NFASC: variants seen among roughly 807,000 people sequenced by gnomAD.
NFASC encodes the protein neurofascin, also known as neurofascin homolog.
A neutral mutation model predicts 147.5 loss-of-function variants in NFASC; 43 were observed. The observed-to-expected ratio is 0.29, with a 90% CI of 0.23 to 0.38. The LOEUF (loss-of-function observed/expected upper bound fraction) is 0.38, where lower values mean the gene tolerates loss of function less well. NFASC is among the 10% of genes least tolerant of loss of function. The pLI is 1.00. For synonymous variants in NFASC, 622 were observed against 665.5 expected (o/e 0.93, Z 1.01); for missense variants, 1,320 against 1,689.0 (o/e 0.78, Z 3.83).
chr1:205,008,428 AGG>A (rs2096180586), intron 27 of NFASC: 1 of 152,646 alleles, frequency 6.6e-6, no homozygotes, highest in African/African-American at 2.4e-5. Flanking sequence ...GCCTCTCCCC[AGG>A]TGTCTCTGGG....
At chr1:204,911,367 T>A (rs1179678090) in intron 1 of NFASC, among the ~76,000 whole-genome samples, 1 of 152,220 alleles carries the variant, frequency 6.6e-6, no homozygotes, top group African/African-American at 2.4e-5. Flanking sequence ...GGACTTTTTT[T>A]AAATGAATGT....
chr1:204,962,658 G>A (rs1463364624), intron 8 of NFASC, among the ~76,000 whole-genome samples: 1 of 152,170 alleles, frequency 6.6e-6, no homozygotes, highest in Non-Finnish European at 1.5e-5. Flanking sequence ...ATTTCACAGT[G>A]AGGTCCCGTG....
rs6690894 is a variant in NFASC, at chr1:204,970,635, C to T, written c.1023C>T (p.Asp341=). Residue 341 remains aspartate, a synonymous_variant, in exon 11 of 30, where the codon GAC becomes GAT. Coordinates refer to ENST00000339876, the MANE Select transcript of NFASC (RefSeq NM_001005388.3). ...TTCCAGCTGCTCCCTACTGGCTGGA[C>T]GAACCCAAGAACCTTATTCTGGCTC... is the stretch of plus-strand genomic sequence containing the variant. ...VRVKAAPYWL[D]EPKNLILAPG... is the part of the protein sequence containing the mutation. 5,651 of 1,614,024 alleles carry T rather than the reference C, an allele frequency of 3.5e-3. 164 individuals are homozygous for T. The African/African-American group carries it at 0.066, about 19-fold the overall frequency.
At chr1:204,912,150 T>C (rs1241863224) in intron 1 of NFASC, among the ~76,000 whole-genome samples, 1 of 152,014 alleles carries the variant, frequency 6.6e-6, no homozygotes, top group Admixed American at 6.5e-5. Flanking sequence ...CTTTATTATT[T>C]CCTTCCTTCT....
intron 1 of NFASC, among the ~76,000 whole-genome samples, chr1:204,853,327 C>CT (rs1386136189): frequency 6.6e-6 from 1 of 152,194 alleles, no homozygotes; most frequent in Non-Finnish European, 1.5e-5. Flanking sequence ...CTTTTAGTTC[C>CT]CCATAATCAC....
chr1:204,829,262 C>G (rs1368643406), intron 1 of NFASC, among the ~76,000 whole-genome samples: 2 of 150,706 alleles, frequency 1.3e-5, no homozygotes, highest in African/African-American at 4.9e-5. Context: ...TCTCCATTTG[C>G]TCCCTCAGTT....
chr1:204,980,517 G>C lies in NFASC; in HGVS notation c.2247+77G>C, dbSNP rs16854859. ...GGGAGCCCCTCTCCCTTGATGCCCC[G>C]ACACTACGAGGCCATGATGTGGTTC... On this transcript the variant is annotated intron_variant, in intron 20 of 29. Coordinates refer to ENST00000339876, the MANE Select transcript of NFASC (RefSeq NM_001005388.3). The C allele has an allele frequency of 3.8e-6, 4 of 1,066,274 alleles. No individual in the cohort carries two copies. In the African/African-American group the frequency reaches 6.3e-5, roughly 17 times the overall value. 66.1% of individuals were successfully genotyped at this position (1,066,274 alleles called of 1,614,324 possible). A position where few individuals can be genotyped will look rare whatever the true frequency, so the allele number is the denominator to read the frequency against.
intron 28 of NFASC, among the ~76,000 whole-genome samples, chr1:205,011,310 G>A (rs2096250611): frequency 6.6e-6 from 1 of 151,874 alleles, no homozygotes; most frequent in Non-Finnish European, 1.5e-5. Context: ...CTGAAGAGCT[G>A]TGCCTTAAGT....
intron 1 of NFASC, among the ~76,000 whole-genome samples, chr1:204,863,979 G>A (rs578006739): frequency 6.6e-6 from 1 of 151,744 alleles, no homozygotes; most frequent in Admixed American, 6.6e-5. Context: ...AGAAAAGAAA[G>A]AAAGAAAAAG....
chr1:204,870,190 G>T (rs940908808), intron 1 of NFASC, among the ~76,000 whole-genome samples: 2 of 152,168 alleles, frequency 1.3e-5, no homozygotes, highest in African/African-American at 4.8e-5. Flanking sequence ...GAGATATTTA[G>T]CCTGCAGAAG....
At chr1:204,981,357 G>T (rs1162795202) in intron 20 of NFASC, among the ~76,000 whole-genome samples, 3 of 152,270 alleles carry the variant, frequency 2.0e-5, no homozygotes, top group Non-Finnish European at 4.4e-5. Flanking sequence ...CACAAATTCG[G>T]TAGAACTAAA....
At chr1:204,892,071 G>A (rs1004652873) in intron 1 of NFASC, among the ~76,000 whole-genome samples, 1 of 152,294 alleles carries the variant, frequency 6.6e-6, no homozygotes, top group Admixed American at 6.5e-5. Flanking sequence ...AAGTAAATGA[G>A]TAAGCCCCAT....
chr1:204,959,009 C>T (rs1442572140), intron 8 of NFASC, among the ~76,000 whole-genome samples: 1 of 151,890 alleles, frequency 6.6e-6, no homozygotes, highest in Non-Finnish European at 1.5e-5. Context: ...TCCACCATGG[C>T]ACAGAGGTGG....
At chr1:204,929,079 A>G (rs1332351322) in intron 2 of NFASC, among the ~76,000 whole-genome samples, 1 of 152,104 alleles carries the variant, frequency 6.6e-6, no homozygotes, top group East Asian at 1.9e-4. Flanking sequence ...TTTTCAGCCA[A>G]ATCCCTAATC....
chr1:204,959,372 C>T (rs1006704844), intron 8 of NFASC, among the ~76,000 whole-genome samples: 1 of 152,198 alleles, frequency 6.6e-6, no homozygotes, highest in Non-Finnish European at 1.5e-5. Context: ...TCATTCCTGA[C>T]CCAAGCCCAG....
rs1488441360 is a variant in NFASC, at chr1:204,968,469, A to G, written c.818+109A>G. 2.5e-6 allele frequency: 2 copies of G among 794,258 alleles called. No individual in the cohort carries two copies. The highest frequency in any genetic ancestry group is 4.2e-6 in the Non-Finnish European group (2 of 478,298). 49.2% of individuals were successfully genotyped at this position (794,258 alleles called of 1,614,324 possible). On this transcript the variant is annotated intron_variant, in intron 9 of 29. Coordinates refer to ENST00000339876, the MANE Select transcript of NFASC (RefSeq NM_001005388.3). This position sits in a 1 kb window ranked among gnomAD's most constrained non-coding sequence, Gnocchi z 5.4. ...ATTTAGTGCATACCAGTAGCACAGC[A>G]AAAAGAGAAGCAAACAGCCTCTAGT...
At chr1:204,959,127 C>T (rs1482459412) in intron 8 of NFASC, among the ~76,000 whole-genome samples, 9 of 151,240 alleles carry the variant, frequency 6.0e-5, no homozygotes, top group Non-Finnish European at 1.2e-4. Flanking sequence ...TTTATTTCTC[C>T]TCCCTCTTTC....
chr1:204,860,074 A>G (rs2076527823), intron 1 of NFASC, among the ~76,000 whole-genome samples: 2 of 152,182 alleles, frequency 1.3e-5, no homozygotes, highest in Non-Finnish European at 2.9e-5. Context: ...AGCAGCTGCC[A>G]GTGGAGAAAA....
chr1:204,858,029 C>T (rs968489218), intron 1 of NFASC, among the ~76,000 whole-genome samples: 1 of 150,082 alleles, frequency 6.7e-6, no homozygotes, highest in South Asian at 2.1e-4. Flanking sequence ...AAGCAATTCT[C>T]CTGTCTCAGC....
Sources: gnomAD v4.1 joint callset for allele counts (sites outside exome capture counted in the v4.1 genomes callset) on GRCh38, gnomAD v4.1.1 for gene constraint, Gnocchi (gnomAD v3.1) non-coding constraint, MANE v1.5 for transcripts, NCBI Gene and HGNC (gene_info 2026-07-23, HGNC 2026-07-21) for gene names.